ADCY2: variants seen among roughly 807,000 people sequenced by gnomAD.
ADCY2 encodes adenylate cyclase type 2.
Under a neutral mutation model 125.2 loss-of-function variants are expected in ADCY2, and 31 were observed. The ratio of observed to expected loss-of-function variants is 0.25; its 90% confidence interval spans 0.19 to 0.33. ADCY2 has a LOEUF of 0.33. ADCY2 is among the 10% of genes least tolerant of loss of function. The pLI, the probability that ADCY2 is intolerant of heterozygous loss-of-function variation, is 1.00. For missense variants in ADCY2, 904 were observed against 1,418.2 expected (o/e 0.64, Z 5.82); for synonymous variants, 512 against 548.4 (o/e 0.93, Z 0.93).
At chr5:7,743,171 A>G (rs73045459) in intron 14 of ADCY2, among the ~76,000 whole-genome samples, 6,740 of 152,134 alleles carry the variant, frequency 0.044, 492 homozygotes, top group African/African-American at 0.15. Flanking sequence ...TGCTGCATCT[A>G]TGTTGAACAA....
intron 2 of ADCY2, among the ~76,000 whole-genome samples, chr5:7,501,123 C>CTTT (rs138836583): frequency 1.0e-5 from 1 of 97,584 alleles, no homozygotes; most frequent in Non-Finnish European, 2.3e-5. Flanking sequence ...TAAATAAAAG[C>CTTT]TTTTTTTTAA....
chr5:7,507,567 A>G (rs1462897649), intron 2 of ADCY2, among the ~76,000 whole-genome samples: 1 of 152,010 alleles, frequency 6.6e-6, no homozygotes, highest in Non-Finnish European at 1.5e-5. Flanking sequence ...TCTCCTAATT[A>G]TGTAACTAGA....
At chr5:7,697,545 T>C (rs1740934290) in intron 6 of ADCY2, among the ~76,000 whole-genome samples, 1 of 152,160 alleles carries the variant, frequency 6.6e-6, no homozygotes, top group African/African-American at 2.4e-5. Flanking sequence ...TTGGGAAGTA[T>C]GGGAGGGAAG....
At chr5:7,465,803 G>A (rs1742092408) in intron 2 of ADCY2, among the ~76,000 whole-genome samples, 1 of 152,094 alleles carries the variant, frequency 6.6e-6, no homozygotes, top group Admixed American at 6.6e-5. Context: ...CTTTCTCTTA[G>A]CTTAGAATAT....
At chr5:7,687,902 T>C (rs1301370482) in intron 4 of ADCY2, among the ~76,000 whole-genome samples, 1 of 151,992 alleles carries the variant, frequency 6.6e-6, no homozygotes, top group Non-Finnish European at 1.5e-5. Flanking sequence ...TAATGGAGAG[T>C]TATGTACACT....
At chr5:7,482,077 C>T (rs1742751920) in intron 2 of ADCY2, among the ~76,000 whole-genome samples, 1 of 152,030 alleles carries the variant, frequency 6.6e-6, no homozygotes, top group African/African-American at 2.4e-5. Flanking sequence ...TGTATTTTCC[C>T]TCCTGACTCA....
At chr5:7,657,119 T>C (rs886459120) in intron 4 of ADCY2, among the ~76,000 whole-genome samples, 9 of 152,260 alleles carry the variant, frequency 5.9e-5, no homozygotes, top group African/African-American at 2.2e-4. Flanking sequence ...CCCCAAGATA[T>C]CTCATTTGTA....
chr5:7,784,266 C>A, intron 18 of ADCY2, 99 bp from the exon 19 acceptor site: 2 of 855,032 alleles, frequency 2.3e-6, no homozygotes, highest in South Asian at 1.5e-5. Context: ...TGTAGACAGG[C>A]ACTAGAGAAT....
At chr5:7,804,040 A>AAGAGAGAGAGAGAGAG (rs57193249) in intron 21 of ADCY2, among the ~76,000 whole-genome samples, 6,941 of 106,180 alleles carry the variant, frequency 0.065, 574 homozygotes, top group Non-Finnish European at 0.08. Flanking sequence ...GGAGGGGGGA[A>AAGAGAGAGAGAGAGAG]AGAGAGAGAG....
chr5:7,614,139 A>C (rs1478093137), intron 3 of ADCY2, among the ~76,000 whole-genome samples: 1 of 152,230 alleles, frequency 6.6e-6, no homozygotes, highest in Non-Finnish European at 1.5e-5. Context: ...GATGAGCTTC[A>C]TGCATCTCAT....
intron 16 of ADCY2, among the ~76,000 whole-genome samples, chr5:7,758,465 G>A (rs1743087771): frequency 6.6e-6 from 1 of 152,152 alleles, no homozygotes; most frequent in East Asian, 1.9e-4. Flanking sequence ...TGCCTTCCAG[G>A]GACCCAAAGC....
intron 4 of ADCY2, among the ~76,000 whole-genome samples, chr5:7,655,501 A>G (rs1269664729): frequency 6.6e-6 from 1 of 152,198 alleles, no homozygotes; most frequent in Non-Finnish European, 1.5e-5. Context: ...TGAAGCCAGG[A>G]GGCTGGAAGC....
At chr5:7,532,711 A>T (rs1443493676) in intron 3 of ADCY2, among the ~76,000 whole-genome samples, 1 of 152,118 alleles carries the variant, frequency 6.6e-6, no homozygotes, top group African/African-American at 2.4e-5. Flanking sequence ...TTTAAAACAA[A>T]TCATTCGTGG....
intron 3 of ADCY2, among the ~76,000 whole-genome samples, chr5:7,608,756 G>T (rs1271100176): frequency 6.6e-6 from 1 of 152,072 alleles, no homozygotes; most frequent in Non-Finnish European, 1.5e-5. Context: ...CCCTCCCCAA[G>T]AACTATTGTT....
chr5:7,562,754 A>C (rs1163327370), intron 3 of ADCY2, among the ~76,000 whole-genome samples: 1 of 152,170 alleles, frequency 6.6e-6, no homozygotes, highest in African/African-American at 2.4e-5. Flanking sequence ...ACAAGACTTT[A>C]AGTTTTTACC....
intron 18 of ADCY2, among the ~76,000 whole-genome samples, chr5:7,778,744 C>A (rs77539359): frequency 6.6e-6 from 1 of 151,972 alleles, no homozygotes; most frequent in African/African-American, 2.4e-5. Context: ...TAGGATATTG[C>A]GATGTATTTT....
chr5:7,465,754 A>T (rs1742090564), intron 2 of ADCY2, among the ~76,000 whole-genome samples: 1 of 152,230 alleles, frequency 6.6e-6, no homozygotes, highest in Non-Finnish European at 1.5e-5. Flanking sequence ...TAGATCTATA[A>T]ATATATAGCA....
At chr5:7,583,283 G>A (rs1293913186) in intron 3 of ADCY2, among the ~76,000 whole-genome samples, 6 of 151,948 alleles carry the variant, frequency 3.9e-5, no homozygotes, top group Non-Finnish European at 1.5e-5. Flanking sequence ...ATTGTACATA[G>A]TGAATCAATC....
intron 13 of ADCY2, among the ~76,000 whole-genome samples, chr5:7,725,901 A>G (rs1015298398): frequency 6.6e-6 from 1 of 152,200 alleles, no homozygotes; most frequent in African/African-American, 2.4e-5. Flanking sequence ...TACATTCCCC[A>G]TGTACACATA....
Sources: gnomAD v4.1 joint callset for allele counts (sites outside exome capture counted in the v4.1 genomes callset) on GRCh38, gnomAD v4.1.1 for gene constraint, MANE v1.5 for transcripts, NCBI Gene and HGNC (gene_info 2026-07-23, HGNC 2026-07-21) for gene names.